The following COL9A1 variants were observed in gnomAD, a reference collection of about 807,000 sequenced individuals.
COL9A1 encodes collagen type IX alpha 1 chain, also known as collagen alpha-1(IX) chain.
COL9A1 carries 104 observed loss-of-function variants against 142.6 expected under a neutral mutation model. The observed-to-expected ratio is 0.73, with a 90% CI of 0.62 to 0.86. The LOEUF (loss-of-function observed/expected upper bound fraction) is 0.86. Ranked by LOEUF, COL9A1 falls within the 40% of genes least tolerant of loss-of-function variation. The pLI is 0.00. For synonymous variants in COL9A1, 466 were observed against 396.0 expected, an observed-to-expected ratio of 1.18 and a Z score of -2.10; for missense variants, 1,210 against 1,176.6, an observed-to-expected ratio of 1.03 and a Z score of -0.42.
chr6:70,274,579 G>T, intron 11 of COL9A1, 140 bp downstream of exon 11: 1 of 728,410 alleles, frequency 1.4e-6, no homozygotes, highest in Non-Finnish European at 2.4e-6. Context: ...TCCACATCAT[G>T]GTGTTTTTAA....
intron 14 of COL9A1, 132 bp downstream of exon 14, chr6:70,271,523 T>C: frequency 1.3e-6 from 1 of 764,436 alleles, no homozygotes; most frequent in Non-Finnish European, 2.3e-6. Context: ...ATCAATATTA[T>C]AAACTGGAAT....
intron 10 of COL9A1, among the ~76,000 whole-genome samples, chr6:70,278,516 G>A (rs1406843): frequency 0.48 from 72,593 of 151,972 alleles, 19,227 homozygotes; most frequent in African/African-American, 0.72. Flanking sequence ...TAGTATAGTT[G>A]ATTTTTCCCC....
rs189824022 is a variant in COL9A1 at position 70,288,414 on chromosome 6, T to C, written c.697-4594A>G. On this transcript the variant is annotated intron_variant, in intron 5 of 37. Transcript: ENST00000357250. The stretch of plus-strand genomic sequence containing the variant: ...CCTTGCTCCTACACTCTTATGTCCT[T>C]CTCTCCCTTCTCCTACAATATATTA... Among the ~76,000 whole-genome samples, 156 of 152,268 alleles carry C rather than the reference T, an allele frequency of 1.0e-3. 1 individual carries two copies. The highest frequency in any genetic ancestry group is 1.3e-4 in the Non-Finnish European group (9 of 68,012).
intron 28 of COL9A1, among the ~76,000 whole-genome samples, chr6:70,249,702 T>G (rs1770812550): frequency 6.6e-6 from 1 of 152,148 alleles, no homozygotes; most frequent in East Asian, 1.9e-4. Context: ...ATCAAAAATC[T>G]AAAACTCAGA....
chr6:70,243,940 AT>A (rs1042834284), intron 28 of COL9A1, among the ~76,000 whole-genome samples: 1 of 152,152 alleles, frequency 6.6e-6, no homozygotes, highest in African/African-American at 2.4e-5. Context: ...CTTTAAGTTA[AT>A]TTTTCTGTAA....
Position 70,242,671 on chromosome 6 carries a change from T to C in COL9A1, c.1917A>G (p.Pro639=). ...AAACTTTTCTACTTACCAGTTTACC[T>C]GGTAGGCCTGGGGATCCCACTGGTC... ...ELGPVGSPGL[P]GKLGSLGSPG... The change falls in exon 29 of 38, where the codon CCA becomes CCG. Residue 639 remains proline, a synonymous_variant. Coordinates refer to ENST00000357250, the MANE Select transcript of COL9A1 (RefSeq NM_001851.6). 6.2e-7 allele frequency: 1 copy of C among 1,614,086 alleles called. No individual in the cohort carries two copies. The highest frequency in any genetic ancestry group is 2.2e-5 in the East Asian group (1 of 44,876).
At chr6:70,215,999 G>GA (rs556646276), downstream of COL9A1, 2 of 151,448 alleles carry the variant, frequency 1.3e-5, no homozygotes, top group African/African-American at 4.9e-5. Context: ...ACTTTATGTA[G>GA]AAAAAACACT....
Position 70,283,657 on chromosome 6 carries a change from G to A in COL9A1, c.780+80C>T, listed in dbSNP as rs567579343. ...GAGTGGGGAGGAGGGGTGCTGGGGA[G>A]GTGGCAAGATGGGAAAGTGGTGAGG... is the stretch of plus-strand genomic sequence containing the variant. On this transcript the variant is annotated intron_variant, in intron 6 of 37. Transcript: ENST00000357250. 17 of 1,022,762 alleles carry A rather than the reference G, an allele frequency of 1.7e-5. No homozygotes were observed. The African/African-American group carries it at 2.2e-4, about 13-fold the overall frequency. The allele number at this position is 1,022,762 out of a possible 1,614,324, so 63.4% of individuals were successfully genotyped here.
chr6:70,223,115 C>A lies in COL9A1; in HGVS notation c.2581+2817G>T, dbSNP rs185562481. The stretch of plus-strand genomic sequence containing the variant: ...GGAGGGAAGGTCTGGGCATCAGGGG[C>A]GGTGCTGATTTAGAGAAGAGTAATA... On this transcript the variant is annotated intron_variant, in intron 37 of 37. Coordinates refer to ENST00000357250, the MANE Select transcript of COL9A1 (RefSeq NM_001851.6). Among the ~76,000 whole-genome samples, 67 of 152,156 alleles carry A rather than the reference C, an allele frequency of 4.4e-4. 1 individual carries two copies. The highest frequency in any genetic ancestry group is 3.7e-3 in the Admixed American group (57 of 15,268).
chr6:70,280,821 A>G lies in COL9A1; in HGVS notation c.966T>C (p.Pro322=), dbSNP rs373414622. The change falls in exon 10 of 38, where the codon CCT becomes CCC. Residue 322 remains proline, a synonymous_variant. Transcript: ENST00000357250. ...GCACTCGCCTACTCACATCAGCGCCAGGTGTGCCAGGCTTGCCTGGAGCTC... is the reference window on the plus strand; with the variant it reads ...GCACTCGCCTACTCACATCAGCGCCGGGTGTGCCAGGCTTGCCTGGAGCTC... ...KPGAPGKPGT[P]GADGLTGPDG... is the part of the protein sequence containing the mutation. The G allele has an allele frequency of 2.5e-6, 4 of 1,612,556 alleles. No homozygotes were observed. The African/African-American group carries it at 5.3e-5, about 22-fold the overall frequency.
At position 70,271,638 on chromosome 6, in the gene COL9A1, T is replaced by A; in HGVS notation, c.1143+17A>T. ...TTAAATCAGCAAACGTCTATCAAAGTGCACTGTGGTACTCACAACAGGTCC... is the reference window on the plus strand; with the variant it reads ...TTAAATCAGCAAACGTCTATCAAAGAGCACTGTGGTACTCACAACAGGTCC... On this transcript the variant is annotated intron_variant, in intron 14 of 37. Transcript: ENST00000357250. The A allele has an allele frequency of 1.2e-6, 2 of 1,611,338 alleles. No homozygotes were observed. Among genetic ancestry groups the A allele is most frequent in the Non-Finnish European group, 1.7e-6 (2 of 1,177,530 alleles).
At chr6:70,233,924 T>G (rs1769719907) in intron 35 of COL9A1, among the ~76,000 whole-genome samples, 1 of 152,242 alleles carries the variant, frequency 6.6e-6, no homozygotes, top group Admixed American at 6.5e-5. Flanking sequence ...TTGCACATCT[T>G]CATTTTCTGT....
rs1554230855 is a variant in COL9A1, at chr6:70,216,644, G to A, written c.*253C>T. On this transcript the variant is annotated 3_prime_UTR_variant, in exon 38 of 38. Transcript: ENST00000357250. ...GAGTATAAATTTATTCAAGGGAGGT[G>A]TTTGGTTTTCTTTTTTTTTTTTTAA... 2 of 515,590 alleles carry A rather than the reference G, an allele frequency of 3.9e-6. No homozygotes were observed. The highest frequency in any genetic ancestry group is 4.3e-5 in the South Asian group (2 of 46,678). The allele number at this position is 515,590 out of a possible 1,614,324, so 31.9% of individuals were successfully genotyped here. A position where few individuals can be genotyped will look rare whatever the true frequency, so the allele number is the denominator to read the frequency against.
Position 70,234,884 on chromosome 6 carries a change from A to C in COL9A1, c.2169T>G (p.Pro723=). The C allele has an allele frequency of 6.2e-7, 1 of 1,614,158 alleles. No individual in the cohort carries two copies. The highest frequency in any genetic ancestry group is 8.5e-7 in the Non-Finnish European group (1 of 1,180,004). The change falls in exon 34 of 38, where the codon CCT becomes CCG. Residue 723 remains proline (P), a synonymous_variant. Transcript: ENST00000357250. ...LRGPEGSRGL[P]GVEGPRGPPG... ...GTGGTCCTCTTGGTCCTTCCACTCC[A>C]GGAAGCCCCCGACTTCCCTCAGGCC...
chr6:70,277,616 A>G (rs1280943428), intron 10 of COL9A1, among the ~76,000 whole-genome samples: 3 of 152,182 alleles, frequency 2.0e-5, no homozygotes, highest in Non-Finnish European at 4.4e-5. Context: ...ACCAGTCCTC[A>G]ATGGAGATTT....
chr6:70,251,737 G>A (rs1017594758), intron 28 of COL9A1, among the ~76,000 whole-genome samples: 4 of 152,008 alleles, frequency 2.6e-5, no homozygotes, highest in African/African-American at 9.7e-5. Context: ...TCTTTTTTTA[G>A]GTGATGGAAA....
rs370569186 is a variant in COL9A1 at position 70,281,468 on chromosome 6, G to A, written c.802-4C>T. On this transcript the variant is annotated splice_polypyrimidine_tract_variant and splice_region_variant and intron_variant, in intron 7 of 37. Transcript: ENST00000357250. Reference sequence around the variant, plus strand: ...CCTGCTCACCCGGGGGACCTCTCTGGCAAAAATAGCAGACATAGGTTAGTG... The same window carrying A: ...CCTGCTCACCCGGGGGACCTCTCTGACAAAAATAGCAGACATAGGTTAGTG... 19 of 1,609,640 alleles carry A rather than the reference G, an allele frequency of 1.2e-5. No homozygotes were observed. Among genetic ancestry groups the A allele is most frequent in the Non-Finnish European group, 1.6e-5 (19 of 1,178,306 alleles).
At chr6:70,292,410 C>A in intron 5 of COL9A1, among the ~76,000 whole-genome samples, 1 of 152,152 alleles carries the variant, frequency 6.6e-6, no homozygotes, top group East Asian at 1.9e-4. Context: ...GAATGTAAAA[C>A]CAGCTGCCAG....
intron 5 of COL9A1, among the ~76,000 whole-genome samples, chr6:70,285,202 G>T (rs13201173): frequency 0.015 from 2,262 of 152,344 alleles, 32 homozygotes; most frequent in Non-Finnish European, 0.024. Flanking sequence ...TTGTGGCACA[G>T]GATAATGGGG....
Sources: allele counts gnomAD v4.1 joint callset (sites outside exome capture counted in the v4.1 genomes callset), GRCh38; gene constraint gnomAD v4.1.1; transcripts MANE v1.5; gene names NCBI Gene and HGNC (gene_info 2026-07-23, HGNC 2026-07-21).